Variants in SAMD12 observed in about 807,000 individuals in gnomAD.
The protein encoded by SAMD12 is sterile alpha motif domain containing 12, also known as sterile alpha motif domain-containing protein 12.
A neutral mutation model predicts 15.0 loss-of-function variants in SAMD12; 9 were observed. That is an observed-to-expected ratio of 0.60 (90% CI 0.36 to 1.05). SAMD12 has a LOEUF of 1.05. SAMD12 is among the 50% of genes least tolerant of loss of function. The pLI, the probability that SAMD12 is intolerant of heterozygous loss-of-function variation, is 0.01. For missense variants in SAMD12, 230 were observed against 234.2 expected, an observed-to-expected ratio of 0.98 and a Z score of 0.12; for synonymous variants, 86 against 90.1, an observed-to-expected ratio of 0.96 and a Z score of 0.25.
At chr8:118,556,963 CAAAA>C (rs369315866) in intron 2 of SAMD12, among the ~76,000 whole-genome samples, 68 of 138,866 alleles carry the variant, frequency 4.9e-4, no homozygotes, top group Non-Finnish European at 1.0e-3. Flanking sequence ...GACTCCATCT[CAAAA>C]AAAAAAGAAA....
the SAMD12 span, among the ~76,000 whole-genome samples, chr8:118,140,777 A>C: frequency 5.9e-5 from 9 of 152,160 alleles, no homozygotes; most frequent in African/African-American, 2.2e-4. Flanking sequence ...TGGAAATGAC[A>C]CTTGTAGGCC....
intron 2 of SAMD12, among the ~76,000 whole-genome samples, chr8:118,547,414 T>A (rs1012782217): frequency 7.2e-5 from 11 of 152,114 alleles, no homozygotes; most frequent in Non-Finnish European, 1.3e-4. Context: ...AGAACATACT[T>A]CTCTTACTGT....
At chr8:118,292,341 A>AACACACATACACACACACACACAC (rs1554624040) in intron 4 of SAMD12, among the ~76,000 whole-genome samples, 1 of 50,600 alleles carries the variant, frequency 2.0e-5, no homozygotes, top group Admixed American at 2.3e-4. Context: ...CAAAACTGCA[A>AACACACATACACACACACACACAC]ACACACAGAC....
At chr8:118,520,770 G>A (rs1825368079) in intron 2 of SAMD12, among the ~76,000 whole-genome samples, 1 of 152,102 alleles carries the variant, frequency 6.6e-6, no homozygotes, top group Non-Finnish European at 1.5e-5. Context: ...TCAATTTACT[G>A]TTTCCTATAC....
intron 4 of SAMD12, among the ~76,000 whole-genome samples, chr8:118,267,662 C>T (rs966708123): frequency 2.6e-5 from 4 of 151,392 alleles, no homozygotes; most frequent in Admixed American, 1.3e-4. Flanking sequence ...GTTTGAAAAC[C>T]TTTATTATGC....
intron 2 of SAMD12, among the ~76,000 whole-genome samples, chr8:118,451,632 G>A (rs951160829): frequency 6.6e-6 from 1 of 152,116 alleles, no homozygotes; most frequent in Non-Finnish European, 1.5e-5. Flanking sequence ...GGGATGTTAC[G>A]GTCACCATGC....
intron 2 of SAMD12, among the ~76,000 whole-genome samples, chr8:118,528,888 T>C (rs1825606286): frequency 6.6e-6 from 1 of 152,094 alleles, no homozygotes; most frequent in African/African-American, 2.4e-5. Flanking sequence ...AAGTTTTAGG[T>C]GCTTGCACTG....
intron 3 of SAMD12, among the ~76,000 whole-genome samples, chr8:118,398,524 G>C (rs73327562): frequency 0.016 from 2,361 of 152,266 alleles, 57 homozygotes; most frequent in African/African-American, 0.051. Flanking sequence ...CATCCCCTCT[G>C]CTGCCTGGTC....
chr8:118,399,751 C>T (rs1820777456), intron 3 of SAMD12, among the ~76,000 whole-genome samples: 1 of 152,160 alleles, frequency 6.6e-6, no homozygotes, highest in East Asian at 1.9e-4. Flanking sequence ...TCTGAGCCTG[C>T]TTCATGGGGA....
At chr8:118,408,201 T>A (rs768866156) in intron 3 of SAMD12, among the ~76,000 whole-genome samples, 2 of 152,140 alleles carry the variant, frequency 1.3e-5, no homozygotes, top group African/African-American at 4.8e-5. Context: ...GCCCCTTGTA[T>A]ACATGCTACA....
chr8:118,581,857 C>T (rs940783908), intron 1 of SAMD12, among the ~76,000 whole-genome samples: 1 of 152,076 alleles, frequency 6.6e-6, no homozygotes, highest in Non-Finnish European at 1.5e-5. Flanking sequence ...AAACTCCTAT[C>T]CTCATCCCCT....
intron 4 of SAMD12, among the ~76,000 whole-genome samples, chr8:118,277,403 G>T (rs1425130983): frequency 8.6e-5 from 13 of 152,008 alleles, no homozygotes; most frequent in Non-Finnish European, 1.5e-5. Context: ...CTATGGTCTA[G>T]CATATTTAAG....
chr8:118,459,933 G>T (rs1469457532), intron 2 of SAMD12, among the ~76,000 whole-genome samples: 1 of 152,200 alleles, frequency 6.6e-6, no homozygotes, highest in Non-Finnish European at 1.5e-5. Context: ...GGTGACAAGT[G>T]CCATGGAAGG....
intron 4 of SAMD12, among the ~76,000 whole-genome samples, chr8:118,236,109 T>G (rs1159320246): frequency 6.6e-6 from 1 of 152,224 alleles, no homozygotes; most frequent in African/African-American, 2.4e-5. Flanking sequence ...ATATTCGCAG[T>G]TATGAGTAGC....
chr8:118,484,108 G>A (rs902861241), intron 2 of SAMD12, among the ~76,000 whole-genome samples: 3 of 152,178 alleles, frequency 2.0e-5, no homozygotes, highest in Non-Finnish European at 4.4e-5. Context: ...GAAAGGGTGG[G>A]AGAACTTATT....
At chr8:118,370,682 G>T (rs776976342) in intron 4 of SAMD12, among the ~76,000 whole-genome samples, 1 of 152,160 alleles carries the variant, frequency 6.6e-6, no homozygotes, top group Non-Finnish European at 1.5e-5. Flanking sequence ...ACTAATGCAG[G>T]AACAGAAAAC....
intron 4 of SAMD12, among the ~76,000 whole-genome samples, chr8:118,364,602 G>A (rs891028220): frequency 1.3e-5 from 2 of 152,166 alleles, no homozygotes; most frequent in Non-Finnish European, 2.9e-5. Flanking sequence ...GCTTTCACAT[G>A]CACAGAAGTC....
the SAMD12 span, among the ~76,000 whole-genome samples, chr8:118,150,774 ATCCAAATT>A: frequency 6.6e-6 from 1 of 152,176 alleles, no homozygotes; most frequent in Non-Finnish European, 1.5e-5. Flanking sequence ...CTTTGTGTAG[ATCCAAATT>A]TCCACATGGT....
At chr8:118,573,110 G>A (rs1323425714) in intron 2 of SAMD12, among the ~76,000 whole-genome samples, 1 of 152,128 alleles carries the variant, frequency 6.6e-6, no homozygotes, top group East Asian at 1.9e-4. Flanking sequence ...TTGAGGGGGA[G>A]TTTCACTATT....
Sources: allele counts gnomAD v4.1 joint callset (sites outside exome capture counted in the v4.1 genomes callset), GRCh38; gene constraint gnomAD v4.1.1; transcripts MANE v1.5; gene names NCBI Gene and HGNC (gene_info 2026-07-23, HGNC 2026-07-21).